HYOU1: variants seen among roughly 807,000 people sequenced by gnomAD.
HYOU1 encodes the protein hypoxia up-regulated protein 1.
HYOU1 carries 40 observed loss-of-function variants against 120.5 expected under a neutral mutation model. That is an observed-to-expected ratio of 0.33 (90% CI 0.26 to 0.43). The LOEUF (loss-of-function observed/expected upper bound fraction) is 0.43. Ranked by LOEUF, HYOU1 falls within the 20% of genes least tolerant of loss-of-function variation. The pLI is 1.00. For synonymous variants in HYOU1, 501 were observed against 479.4 expected (o/e 1.05, Z -0.59); for missense variants, 1,085 against 1,278.3 (o/e 0.85, Z 2.31).
Position 119,048,419 on chromosome 11 carries a change from G to T in HYOU1, c.2254-49C>A. 6.2e-7 allele frequency: 1 copy of T among 1,611,928 alleles called. No homozygotes were observed. The highest frequency in any genetic ancestry group is 8.5e-7 in the Non-Finnish European group (1 of 1,179,600). On this transcript the variant is annotated intron_variant, in intron 19 of 25. Transcript: ENST00000617285. The surrounding 1 kb of genome is among the most constrained non-coding windows in gnomAD (Gnocchi z 4.7). ...CATGCACCCACAAGCCCAGAGGCAAGGCCCACAGAGCCAGGTGTAAGCCCA... is the reference window on the plus strand; with the variant it reads ...CATGCACCCACAAGCCCAGAGGCAATGCCCACAGAGCCAGGTGTAAGCCCA...
rs147479884 is a variant in HYOU1 at position 119,046,568 on chromosome 11, G to C, written c.2830C>G (p.Pro944Ala). The C allele has an allele frequency of 3.1e-6, 5 of 1,613,690 alleles. No homozygotes were observed. In the African/African-American group the frequency reaches 5.3e-5, roughly 17 times the overall value. ...CCAGGTACCCTGTTCTCACCTGCTG[G>C]AGGGATGACCTTCTCCCCCTGGTCA... is the stretch of plus-strand genomic sequence containing the variant. ...ASDQGEKVIP[P>A]AGQTEDAEPI... Residue 944 changes from proline to alanine, a missense_variant, in exon 23 of 26, where the codon CCA (proline) becomes GCA (alanine). Pro to Ala is a conservative substitution (Grantham distance 27, BLOSUM62 -1). Around this residue, in one of 4 missense-constraint regions of HYOU1, gnomAD observed 516 missense variants for 517.1 expected, o/e 1.00. Transcript: ENST00000617285.
intron 6 of HYOU1, 50 bp from the exon 7 acceptor site, chr11:119,054,725 G>GAAGCCCTCATCTAA: frequency 6.4e-7 from 1 of 1,564,792 alleles, no homozygotes; most frequent in Non-Finnish European, 8.7e-7. Context: ...CCTTAGATGA[G>GAAGCCCTCATCTAA]GGCTTCTAAT....
In HYOU1 at chr11:119,055,438, G is replaced by A; in HGVS notation, c.264+55C>T. The A allele has an allele frequency of 1.2e-6, 2 of 1,604,344 alleles. No individual in the cohort carries two copies. The highest frequency in any genetic ancestry group is 8.5e-7 in the Non-Finnish European group (1 of 1,171,504). ...ACTGATAAGGAAACAGACTCTGGGGGCTGCCATCTCCTCTCCTCTGCCCAC... is the reference window on the plus strand; with the variant it reads ...ACTGATAAGGAAACAGACTCTGGGGACTGCCATCTCCTCTCCTCTGCCCAC... On this transcript the variant is annotated intron_variant, in intron 4 of 25. Transcript: ENST00000617285. This position sits in a 1 kb window ranked among gnomAD's most constrained non-coding sequence, Gnocchi z 4.0.
In HYOU1 at chr11:119,044,924, C is replaced by G. The variant is rs1226628599; in HGVS notation, c.*669G>C. The G allele has an allele frequency of 6.1e-6, 2 of 326,184 alleles. No homozygotes were observed. Among genetic ancestry groups the G allele is most frequent in the Non-Finnish European group, 6.3e-6 (1 of 157,884 alleles). 20.2% of individuals were successfully genotyped at this position (326,184 alleles called of 1,614,324 possible). A position where few individuals can be genotyped will look rare whatever the true frequency, so the allele number is the denominator to read the frequency against. On this transcript the variant is annotated 3_prime_UTR_variant, in exon 26 of 26. Transcript: ENST00000617285. Reference sequence around the variant, plus strand: ...CTCTGGCCACTAGGGGTGGGAAATACGAGTGAGAATCCTTCCAGATTTACT... The same window carrying G: ...CTCTGGCCACTAGGGGTGGGAAATAGGAGTGAGAATCCTTCCAGATTTACT...
chr11:119,046,553 T>C lies in HYOU1; in HGVS notation c.2836+9A>G. On this transcript the variant is annotated intron_variant, in intron 23 of 25. Coordinates refer to ENST00000617285, the MANE Select transcript of HYOU1 (RefSeq NM_006389.5). The stretch of plus-strand genomic sequence containing the variant: ...CAGCAGAACATGCAGCCAGGTACCC[T>C]GTTCTCACCTGCTGGAGGGATGACC... The C allele has an allele frequency of 6.2e-7, 1 of 1,613,804 alleles. No homozygotes were observed. The highest frequency in any genetic ancestry group is 8.5e-7 in the Non-Finnish European group (1 of 1,179,792).
chr11:119,045,685 A>T, intron 25 of HYOU1, 31 bp from the exon 26 acceptor site: 1 of 1,613,890 alleles, frequency 6.2e-7, no homozygotes, highest in Non-Finnish European at 8.5e-7. Flanking sequence ...CAAAGGAATC[A>T]CCGCAGGTGA....
At chr11:119,054,047 T>A in intron 8 of HYOU1, 74 bp downstream of exon 8, 2 of 879,964 alleles carry the variant, frequency 2.3e-6, no homozygotes, top group Non-Finnish European at 3.7e-6. Context: ...AGCAAAGCAG[T>A]GTGTCTCCTC....
At chr11:119,056,636 AG>A (rs1455600175) in intron 1 of HYOU1, among the ~76,000 whole-genome samples, 1 of 152,222 alleles carries the variant, frequency 6.6e-6, no homozygotes, top group African/African-American at 2.4e-5. Flanking sequence ...GGGGGTAGCT[AG>A]GATGAAGGAA....
chr11:119,054,638 G>C lies in HYOU1; in HGVS notation c.534C>G (p.Val178=), dbSNP rs1345794690. 1 of 1,613,564 alleles carries C rather than the reference G, an allele frequency of 6.2e-7. No individual in the cohort carries two copies. Among genetic ancestry groups the C allele is most frequent in the African/African-American group, 1.3e-5 (1 of 74,926 alleles). The change falls in exon 7 of 26, where the codon GTC becomes GTG. Residue 178 remains valine (V), a synonymous_variant. Transcript: ENST00000617285. ...CTCGGCGCTCGGCCTGGTTGAAGAA[G>C]ACTGGCACGGTGATCACTGCATCCT... ...PIKDAVITVP[V]FFNQAERRAV... is the part of the protein sequence containing the mutation.
rs2134677485 is a variant in HYOU1 at position 119,046,726 on chromosome 11, A to G, written c.2672T>C (p.Ile891Thr). Reference protein sequence around the residue: ...TEKPVLLSKDIEAKMMALDRE... With the variant: ...TEKPVLLSKDTEAKMMALDRE... ...GTCCAGGGCCATCATCTTAGCTTCA[A>G]TGTCTTTTGAGAGCAACACAGGCTT... Residue 891 changes from isoleucine (I) to threonine (T), a missense_variant, in exon 23 of 26, where the codon ATT (isoleucine) becomes ACT (threonine). Ile to Thr is a moderately conservative substitution (Grantham distance 89). Transcript: ENST00000617285. The G allele has an allele frequency of 1.2e-6, 2 of 1,610,644 alleles. No individual in the cohort carries two copies. Among genetic ancestry groups the G allele is most frequent in the Non-Finnish European group, 8.5e-7 (1 of 1,179,982 alleles).
intron 14 of HYOU1, among the ~76,000 whole-genome samples, chr11:119,050,279 G>A (rs1375080567): frequency 2.0e-5 from 3 of 152,036 alleles, no homozygotes; most frequent in Admixed American, 1.3e-4. Context: ...CAGGTGTGGT[G>A]GCAGGCGCCT....
chr11:119,051,230 T>C lies in HYOU1; in HGVS notation c.1527-57A>G. 2 of 1,604,888 alleles carry C rather than the reference T, an allele frequency of 1.2e-6. No homozygotes were observed. The highest frequency in any genetic ancestry group is 1.7e-6 in the Non-Finnish European group (2 of 1,174,254). On this transcript the variant is annotated intron_variant, in intron 13 of 25. Coordinates refer to ENST00000617285, the MANE Select transcript of HYOU1 (RefSeq NM_006389.5). The surrounding 1 kb of genome is among the most constrained non-coding windows in gnomAD (Gnocchi z 4.2). ...ACCCACCCCAGCCCATCTCGCCCTCTAGACTACATGGCCTCCTGGCACAAG... is the reference window on the plus strand; with the variant it reads ...ACCCACCCCAGCCCATCTCGCCCTCCAGACTACATGGCCTCCTGGCACAAG...
At chr11:119,049,722 C>T in intron 15 of HYOU1, 55 bp downstream of exon 15, 1 of 1,608,184 alleles carries the variant, frequency 6.2e-7, no homozygotes. Context: ...TGTCCACCTC[C>T]CCAACCTTCA....
chr11:119,045,534 A>G lies in HYOU1; in HGVS notation c.*59T>C. On this transcript the variant is annotated 3_prime_UTR_variant, in exon 26 of 26. Coordinates refer to ENST00000617285, the MANE Select transcript of HYOU1 (RefSeq NM_006389.5). ...ACCCCTCCCCCAACCCTCGATGTTA[A>G]ATAAATAGAAGTGGTGGGGGAAGGG... The G allele has an allele frequency of 7.0e-7, 1 of 1,435,522 alleles. No homozygotes were observed. Among genetic ancestry groups the G allele is most frequent in the Non-Finnish European group, 9.8e-7 (1 of 1,016,816 alleles). 88.9% of individuals were successfully genotyped at this position (1,435,522 alleles called of 1,614,324 possible).
chr11:119,050,719 C>CAAAAA lies in HYOU1; in HGVS notation c.1665+315_1665+316insTTTTT, dbSNP rs1944379626. Among the ~76,000 whole-genome samples the CAAAAA allele has an allele frequency of 6.2e-4, 33 of 52,872 alleles. 12 individuals carry two copies. The highest frequency in any genetic ancestry group is 8.9e-4 in the Non-Finnish European group (24 of 26,900). The allele number at this position is 52,872 out of a possible 152,430, so 34.7% of individuals were successfully genotyped here. A position where few individuals can be genotyped will look rare whatever the true frequency, so the allele number is the denominator to read the frequency against. On this transcript the variant is annotated intron_variant, in intron 14 of 25. Transcript: ENST00000617285. ...TTAAGTAACAGAGCCAAGACCCTCT[C>CAAAAA]CAAAAAAAAAAAAAAAAAAAAAAAA...
At position 119,051,119 on chromosome 11, in the gene HYOU1, GC is replaced by G; in HGVS notation, c.1580del (p.Ser527ThrfsTer27). ...TTVKLKGVGD[S>X]FKKYPDYESK... ...ACTCGTAGTCAGGATACTTCTTGAA[GC>G]TGTCACCCACCCCTTTTAGCTTCAC... On this transcript the variant is annotated frameshift_variant, in exon 14 of 26. Transcript: ENST00000617285. LOFTEE classifies it high-confidence loss of function. This position sits in a 1 kb window ranked among gnomAD's most constrained non-coding sequence, Gnocchi z 4.2. 6.2e-7 allele frequency: 1 copy of G among 1,614,182 alleles called. No homozygotes were observed. Among genetic ancestry groups the G allele is most frequent in the Non-Finnish European group, 8.5e-7 (1 of 1,180,030 alleles).
chr11:119,051,790 T>C lies in HYOU1; in HGVS notation c.1338+29A>G, dbSNP rs1944457228. 1 of 1,612,998 alleles carries C rather than the reference T, an allele frequency of 6.2e-7. No homozygotes were observed. Among genetic ancestry groups the C allele is most frequent in the Non-Finnish European group, 8.5e-7 (1 of 1,179,078 alleles). The stretch of plus-strand genomic sequence containing the variant: ...CCTACTTGGGAGAGGTAAAGGGAGC[T>C]TGTCACCTGCTCAGTCAGGCTCACT... On this transcript the variant is annotated intron_variant, in intron 12 of 25. Coordinates refer to ENST00000617285, the MANE Select transcript of HYOU1 (RefSeq NM_006389.5). The surrounding 1 kb of genome is among the most constrained non-coding windows in gnomAD (Gnocchi z 4.2).
Position 119,046,604 on chromosome 11 carries a change from C to A in HYOU1, c.2794G>T (p.Ala932Ser). The A allele has an allele frequency of 6.2e-7, 1 of 1,614,068 alleles. No individual in the cohort carries two copies. Among genetic ancestry groups the A allele is most frequent in the Non-Finnish European group, 8.5e-7 (1 of 1,179,948 alleles). The change falls in exon 23 of 26, where the codon GCC becomes TCC. Residue 932 changes from alanine (A) to serine (S), a missense_variant. This residue lies in a region of HYOU1 where 516 missense variants were observed against 517.1 expected (regional missense o/e 1.00). Transcript: ENST00000617285. ...NGTRAEPPLN[A>S]SASDQGEKVI... ...TTCTCCCCCTGGTCACTGGCACTGG[C>A]ATTGAGGGGTGGCTCTGCCCGGGTC...
In HYOU1 at chr11:119,044,889, C is replaced by G. The variant is rs1289919336; in HGVS notation, c.*704G>C. The G allele has an allele frequency of 4.0e-5, 12 of 299,710 alleles. No homozygotes were observed. In the East Asian group the frequency reaches 7.7e-4, roughly 19 times the overall value. The allele number at this position is 299,710 out of a possible 1,614,324, so 18.6% of individuals were successfully genotyped here. A position where few individuals can be genotyped will look rare whatever the true frequency, so the allele number is the denominator to read the frequency against. Reference sequence around the variant, plus strand: ...GTGGTGGGCTCCCTTCTTCACTGTGCCCCTCCCTCCTCTGGCCACTAGGGG... The same window carrying G: ...GTGGTGGGCTCCCTTCTTCACTGTGGCCCTCCCTCCTCTGGCCACTAGGGG... On this transcript the variant is annotated 3_prime_UTR_variant, in exon 26 of 26. Transcript: ENST00000617285.
Sources: allele counts gnomAD v4.1 joint callset (sites outside exome capture counted in the v4.1 genomes callset), GRCh38; gene constraint gnomAD v4.1.1; regional missense constraint gnomAD v4.1.1; non-coding constraint Gnocchi (gnomAD v3.1); transcripts MANE v1.5; gene names NCBI Gene and HGNC (gene_info 2026-07-23, HGNC 2026-07-21).